Variants in SLC8A1 observed in about 807,000 individuals in gnomAD.
The protein encoded by SLC8A1 is sodium/calcium exchanger 1.
SLC8A1 carries 18 observed loss-of-function variants against 68.3 expected under a neutral mutation model. The ratio of observed to expected loss-of-function variants is 0.26; its 90% CI spans 0.18 to 0.39. SLC8A1 has a LOEUF of 0.39. SLC8A1 is among the 10% of genes least tolerant of loss of function. SLC8A1 has a pLI of 1.00. For missense variants in SLC8A1, 985 were observed against 1,156.7 expected (o/e 0.85, Z 2.15); for synonymous variants, 475 against 415.5 (o/e 1.14, Z -1.74).
chr2:40,175,501 C>CGT (rs1314886133), intron 3 of SLC8A1, among the ~76,000 whole-genome samples: 1 of 118,802 alleles, frequency 8.4e-6, no homozygotes, highest in East Asian at 2.0e-4. Context: ...TGAATACATA[C>CGT]GTATATGTGT....
At chr2:40,114,467 A>G (rs2034983308) in exon 8 of SLC8A1, 1 of 152,860 alleles carries the variant, frequency 6.5e-6, no homozygotes, top group Non-Finnish European at 1.5e-5. Flanking sequence ...TGGAAGAAGG[A>G]CCTTGCCAAT....
chr2:40,217,358 T>C (rs4952593), intron 2 of SLC8A1, among the ~76,000 whole-genome samples: 36,185 of 152,200 alleles, frequency 0.24, 5,378 homozygotes, highest in Non-Finnish European at 0.35. Context: ...ATATCTGTTT[T>C]GGTACCAGTA....
intron 2 of SLC8A1, among the ~76,000 whole-genome samples, chr2:40,184,573 G>A (rs1464261387): frequency 2.0e-5 from 3 of 152,122 alleles, no homozygotes; most frequent in Non-Finnish European, 4.4e-5. Context: ...GAGCTCTGGC[G>A]ATACGTTTTT....
exon 8 of SLC8A1, chr2:40,103,044 G>A (rs2033988167): frequency 6.6e-6 from 1 of 152,104 alleles, no homozygotes; most frequent in South Asian, 2.1e-4. Flanking sequence ...AGTAATTTTT[G>A]CTTACCTTTC....
At chr2:40,143,230 C>T (rs2148315361) in intron 6 of SLC8A1, among the ~76,000 whole-genome samples, 1 of 152,228 alleles carries the variant, frequency 6.6e-6, no homozygotes, top group South Asian at 2.1e-4. Flanking sequence ...TGGGAAAGGA[C>T]AAAGAAATAT....
intron 2 of SLC8A1, among the ~76,000 whole-genome samples, chr2:40,247,173 T>C (rs2061994972): frequency 6.6e-6 from 1 of 152,128 alleles, no homozygotes; most frequent in Non-Finnish European, 1.5e-5. Flanking sequence ...CTGAAGGCTT[T>C]GAGCCTTGGT....
chr2:40,499,346 G>A (rs1458955825), intron 1 of SLC8A1, among the ~76,000 whole-genome samples: 2 of 151,976 alleles, frequency 1.3e-5, no homozygotes, highest in African/African-American at 2.4e-5. Context: ...ATCTAAAAAT[G>A]AGGATGATAA....
intron 2 of SLC8A1, among the ~76,000 whole-genome samples, chr2:40,196,384 C>T (rs1224244554): frequency 6.6e-6 from 1 of 151,904 alleles, no homozygotes; most frequent in Non-Finnish European, 1.5e-5. Flanking sequence ...AGGCTCATTT[C>T]ACCTTGAGAA....
At chr2:40,479,265 C>T (rs188508390) in intron 1 of SLC8A1, among the ~76,000 whole-genome samples, 173 of 152,240 alleles carry the variant, frequency 1.1e-3, no homozygotes, top group Admixed American at 3.0e-3. Flanking sequence ...TATTTAAGAG[C>T]TGTCAAAATT....
At chr2:40,276,107 T>G (rs1013134342) in intron 2 of SLC8A1, among the ~76,000 whole-genome samples, 8 of 152,250 alleles carry the variant, frequency 5.3e-5, no homozygotes, top group African/African-American at 1.9e-4. Context: ...TTGATTGGCA[T>G]ATTTGGCAAG....
At chr2:40,296,306 G>C (rs2070370928) in intron 2 of SLC8A1, among the ~76,000 whole-genome samples, 2 of 152,130 alleles carry the variant, frequency 1.3e-5, no homozygotes, top group African/African-American at 4.8e-5. Context: ...TTCTAGGAAT[G>C]ACATTTCCTT....
intron 1 of SLC8A1, among the ~76,000 whole-genome samples, chr2:40,463,236 T>C (rs754818199): frequency 2.0e-5 from 3 of 152,052 alleles, no homozygotes; most frequent in African/African-American, 4.8e-5. Flanking sequence ...AGTAGAGCCC[T>C]GGACAAAAGC....
intron 1 of SLC8A1, among the ~76,000 whole-genome samples, chr2:40,441,677 T>TA (rs1372507858): frequency 6.6e-6 from 1 of 152,148 alleles, no homozygotes; most frequent in African/African-American, 2.4e-5. Context: ...AAGGATTCCC[T>TA]ACTTAATAAA....
chr2:40,356,825 A>G (rs756318862), intron 2 of SLC8A1, among the ~76,000 whole-genome samples: 1 of 152,204 alleles, frequency 6.6e-6, no homozygotes, highest in Non-Finnish European at 1.5e-5. Context: ...GGAGAAACCA[A>G]TGTGAGACAA....
intron 2 of SLC8A1, among the ~76,000 whole-genome samples, chr2:40,189,139 C>T (rs1335801000): frequency 6.6e-6 from 1 of 151,964 alleles, no homozygotes; most frequent in African/African-American, 2.4e-5. Context: ...TTCCTGATAA[C>T]CTGGATAAAA....
chr2:40,442,647 C>G (rs1480502788), intron 1 of SLC8A1, among the ~76,000 whole-genome samples: 1 of 152,150 alleles, frequency 6.6e-6, no homozygotes, highest in Non-Finnish European at 1.5e-5. Flanking sequence ...TGCTTTTATA[C>G]TGTTGATGGG....
intron 6 of SLC8A1, among the ~76,000 whole-genome samples, chr2:40,154,445 A>G (rs368288284): frequency 2.4e-4 from 36 of 147,732 alleles, no homozygotes; most frequent in African/African-American, 8.7e-4. Context: ...CTGGGATTAC[A>G]GGCACCTGCC....
At chr2:40,250,358 G>A (rs541916554) in intron 2 of SLC8A1, 11 of 152,102 alleles carry the variant, frequency 7.2e-5, no homozygotes, top group Non-Finnish European at 1.6e-4. Context: ...AGTACTAACT[G>A]GAGAAAACAA....
chr2:40,362,274 GA>G (rs1674852188), intron 2 of SLC8A1, among the ~76,000 whole-genome samples: 1 of 150,060 alleles, frequency 6.7e-6, no homozygotes, highest in African/African-American at 2.5e-5. Flanking sequence ...CTGGAAAATG[GA>G]AAAAGAAAAA....
Sources: gnomAD v4.1 joint callset for allele counts (sites outside exome capture counted in the v4.1 genomes callset) on GRCh38, gnomAD v4.1.1 for gene constraint, MANE v1.5 for transcripts, NCBI Gene and HGNC (gene_info 2026-07-23, HGNC 2026-07-21) for gene names.